The following FRMD6 variants were observed in gnomAD, a reference collection of about 807,000 sequenced individuals.
FRMD6 encodes FERM domain containing 6, also known as FERM domain-containing protein 6.
FRMD6 carries 37 observed loss-of-function variants against 73.2 expected under a neutral mutation model. The observed-to-expected ratio is 0.51, with a 90% CI of 0.39 to 0.66. FRMD6 has a LOEUF of 0.66. Ranked by LOEUF, FRMD6 falls within the 30% of genes least tolerant of loss-of-function variation. The pLI is 0.00. For missense variants in FRMD6, 714 were observed against 780.5 expected (o/e 0.91, Z 1.02); for synonymous variants, 273 against 282.2 (o/e 0.97, Z 0.33).
At chr14:51,397,770 A>G in the FRMD6 span, among the ~76,000 whole-genome samples, 1 of 152,230 alleles carries the variant, frequency 6.6e-6, no homozygotes. Flanking sequence ...GTCAAAACAC[A>G]GTCAAAAGTT....
At chr14:51,474,086 A>C in the FRMD6 span, among the ~76,000 whole-genome samples, 1 of 152,222 alleles carries the variant, frequency 6.6e-6, no homozygotes, top group Admixed American at 6.5e-5. Context: ...TTTATAGATA[A>C]AAATAGATAA....
At chr14:51,433,838 G>A in the FRMD6 span, among the ~76,000 whole-genome samples, 1 of 152,188 alleles carries the variant, frequency 6.6e-6, no homozygotes, top group Admixed American at 6.5e-5. Context: ...GATGCTGGGG[G>A]AACCCCAAAT....
At chr14:51,626,963 G>C (rs866585185) in intron 2 of FRMD6, among the ~76,000 whole-genome samples, 3 of 152,146 alleles carry the variant, frequency 2.0e-5, no homozygotes, top group Admixed American at 1.3e-4. Context: ...CTGGCAGATA[G>C]GCCTGAGAGA....
intron 1 of FRMD6, among the ~76,000 whole-genome samples, chr14:51,526,019 T>G (rs8022389): frequency 0.55 from 84,164 of 151,942 alleles, 24,325 homozygotes; most frequent in African/African-American, 0.7. Context: ...ACATCTATTC[T>G]GGGACACTGG....
intron 11 of FRMD6, 112 bp from the exon 12 acceptor site, chr14:51,721,837 A>G: frequency 7.8e-7 from 1 of 1,277,970 alleles, no homozygotes; most frequent in Non-Finnish European, 1.1e-6. Context: ...TCTCATTAGC[A>G]AATTTATTTT....
the FRMD6 span, among the ~76,000 whole-genome samples, chr14:51,427,704 T>C: frequency 9.4e-3 from 1,438 of 152,256 alleles, 25 homozygotes; most frequent in African/African-American, 0.033. Flanking sequence ...TGAACATAAG[T>C]GAGCATGCAG....
the FRMD6 span, among the ~76,000 whole-genome samples, chr14:51,469,482 A>G: frequency 5.3e-4 from 80 of 151,220 alleles, no homozygotes; most frequent in East Asian, 1.2e-3. Flanking sequence ...GCGTGGTGGC[A>G]GGCCCCTGTA....
intron 10 of FRMD6, among the ~76,000 whole-genome samples, chr14:51,717,773 TTTC>T (rs1352526535): frequency 6.6e-6 from 1 of 152,200 alleles, no homozygotes; most frequent in Non-Finnish European, 1.5e-5. Flanking sequence ...AGTCTGTGTT[TTTC>T]TTAATTTTAT....
At chr14:51,420,135 C>T in the FRMD6 span, among the ~76,000 whole-genome samples, 1 of 152,184 alleles carries the variant, frequency 6.6e-6, no homozygotes, top group East Asian at 1.9e-4. Flanking sequence ...CCAAGGCAAC[C>T]TTGTCACAGA....
At chr14:51,483,599 G>A in the FRMD6 span, among the ~76,000 whole-genome samples, 1 of 152,224 alleles carries the variant, frequency 6.6e-6, no homozygotes, top group East Asian at 1.9e-4. Flanking sequence ...AGAATTTGGA[G>A]AGTATGGTGG....
Position 51,729,999 on chromosome 14 carries a change from A to T in FRMD6, c.*1970A>T, listed in dbSNP as rs138560610. The T allele has an allele frequency of 6.5e-6, 1 of 152,704 alleles. No individual in the cohort carries two copies. The highest frequency in any genetic ancestry group is 6.5e-5 in the Admixed American group (1 of 15,306). 9.5% of individuals were successfully genotyped at this position (152,704 alleles called of 1,614,324 possible). A position where few individuals can be genotyped will look rare whatever the true frequency, so the allele number is the denominator to read the frequency against. ...ATCATTTAATGACTGTTTTACTTATAAGTCATTAAGTAATCCACCATTTCT... is the reference window on the plus strand; with the variant it reads ...ATCATTTAATGACTGTTTTACTTATTAGTCATTAAGTAATCCACCATTTCT... On this transcript the variant is annotated 3_prime_UTR_variant, in exon 14 of 14. Coordinates refer to ENST00000344768, the MANE Select transcript of FRMD6 (RefSeq NM_001267046.2).
chr14:51,689,178 G>A (rs1258030910), intron 1 of FRMD6, among the ~76,000 whole-genome samples: 1 of 152,216 alleles, frequency 6.6e-6, no homozygotes, highest in African/African-American at 2.4e-5. Context: ...TTAAAGTGAT[G>A]GCCTAGAGAT....
At chr14:51,435,678 T>G in the FRMD6 span, among the ~76,000 whole-genome samples, 7 of 152,154 alleles carry the variant, frequency 4.6e-5, no homozygotes, top group African/African-American at 1.7e-4. Flanking sequence ...AAAGGATTTT[T>G]TAACCAATAT....
chr14:51,659,851 TGG>T (rs113036656), intron 1 of FRMD6, among the ~76,000 whole-genome samples: 13 of 152,364 alleles, frequency 8.5e-5, no homozygotes, highest in African/African-American at 3.1e-4. Flanking sequence ...TTATATAATG[TGG>T]GTCAGAACCA....
chr14:51,584,626 T>A lies in FRMD6; in HGVS notation c.-147+14216T>A, dbSNP rs1187423776. Among the ~76,000 whole-genome samples the A allele has an allele frequency of 2.6e-5, 4 of 152,250 alleles. No individual in the cohort carries two copies. The East Asian group carries it at 7.7e-4, about 29-fold the overall frequency. On this transcript the variant is annotated intron_variant, in intron 2 of 14. Transcript: ENST00000356218. ...AGGCCCTTTGCAATTTTTCCATTAA[T>A]CAGTTGCCACCATCATCAGCATGTG... is the stretch of plus-strand genomic sequence containing the variant.
At chr14:51,436,859 A>G in the FRMD6 span, 1 of 696,718 alleles carries the variant, frequency 1.4e-6, no homozygotes. Flanking sequence ...AGAAGAGGAG[A>G]AAGGATTAGA....
At chr14:51,615,165 C>T (rs1269380570) in intron 2 of FRMD6, among the ~76,000 whole-genome samples, 1 of 152,196 alleles carries the variant, frequency 6.6e-6, no homozygotes, top group Non-Finnish European at 1.5e-5. Context: ...CCAGCCTGTT[C>T]TAGCTGCTCT....
the FRMD6 span, among the ~76,000 whole-genome samples, chr14:51,409,654 A>AAG: frequency 9.9e-5 from 15 of 152,166 alleles, no homozygotes; most frequent in African/African-American, 3.4e-4. Context: ...GTTGGGGTGC[A>AAG]GTGGTACAAT....
chr14:51,463,231 C>T, the FRMD6 span, among the ~76,000 whole-genome samples: 1 of 152,208 alleles, frequency 6.6e-6, no homozygotes, highest in African/African-American at 2.4e-5. Flanking sequence ...AAAGTATTTG[C>T]TTTTTCTGGC....
Sources: gnomAD v4.1 joint callset for allele counts (sites outside exome capture counted in the v4.1 genomes callset) on GRCh38, gnomAD v4.1.1 for gene constraint, MANE v1.5 for transcripts, NCBI Gene and HGNC (gene_info 2026-07-23, HGNC 2026-07-21) for gene names.